The following DAAM1 variants were observed in gnomAD, a reference collection of about 807,000 sequenced individuals.
DAAM1 encodes the protein dishevelled associated activator of morphogenesis 1.
DAAM1 carries 52 observed loss-of-function variants against 130.0 expected under a neutral mutation model. The ratio of observed to expected loss-of-function variants is 0.40; its 90% confidence interval spans 0.32 to 0.50. The LOEUF is 0.50. DAAM1 is among the 20% of genes least tolerant of loss of function. DAAM1 has a pLI of 0.61. For synonymous variants in DAAM1, 452 were observed against 444.5 expected (o/e 1.02, Z -0.21); for missense variants, 1,134 against 1,303.8 (o/e 0.87, Z 2.01).
At chr14:59,268,870 C>G (rs1882582274) in intron 2 of DAAM1, among the ~76,000 whole-genome samples, 2 of 152,126 alleles carry the variant, frequency 1.3e-5, no homozygotes, top group Non-Finnish European at 2.9e-5. Context: ...AAATAAGATT[C>G]AGTAATATTC....
intron 3 of DAAM1, among the ~76,000 whole-genome samples, chr14:59,291,802 A>G (rs1203814071): frequency 3.9e-5 from 6 of 152,154 alleles, no homozygotes; most frequent in African/African-American, 1.4e-4. Context: ...ACTTTGAGGG[A>G]CACATTCCTG....
intron 2 of DAAM1, among the ~76,000 whole-genome samples, chr14:59,273,259 A>G (rs1463860691): frequency 1.3e-5 from 2 of 152,158 alleles, no homozygotes; most frequent in Non-Finnish European, 2.9e-5. Context: ...ATCATTCCAA[A>G]TGTCCTTTCC....
chr14:59,218,680 G>A (rs998931059), intron 1 of DAAM1, among the ~76,000 whole-genome samples: 2 of 152,166 alleles, frequency 1.3e-5, no homozygotes, highest in African/African-American at 4.8e-5. Flanking sequence ...GCACACACAT[G>A]TATGAGTTTC....
At chr14:59,340,248 T>C (rs937907089) in intron 16 of DAAM1, 68 bp downstream of exon 16, 9 of 1,452,026 alleles carry the variant, frequency 6.2e-6, no homozygotes, top group Admixed American at 3.4e-5. Context: ...CAAAACCACA[T>C]GTTAGTGATT....
At chr14:59,303,028 C>T (rs962745145) in intron 3 of DAAM1, among the ~76,000 whole-genome samples, 2 of 152,152 alleles carry the variant, frequency 1.3e-5, no homozygotes, top group African/African-American at 2.4e-5. Context: ...GTGTCAGTTG[C>T]CAAGGTAGGA....
In DAAM1 at chr14:59,311,420, A is replaced by AT. The variant is rs35773360; in HGVS notation, c.274-3859dup. 5.8e-3 allele frequency among the ~76,000 whole-genome samples: 887 copies of AT among 152,318 alleles called. 13 individuals carry two copies. Among genetic ancestry groups the AT allele is most frequent in the African/African-American group, 0.021 (858 of 41,572 alleles). ...ATGCTGAAGGGTCTTGATGCATTCC[A>AT]TGTCACCCCAAACGTCAAACAAAGC... On this transcript the variant is annotated intron_variant, in intron 3 of 24. Coordinates refer to ENST00000360909, the MANE Select transcript of DAAM1 (RefSeq NM_001270520.2).
intron 20 of DAAM1, among the ~76,000 whole-genome samples, chr14:59,358,290 C>G (rs1205806745): frequency 1.3e-5 from 2 of 152,184 alleles, no homozygotes; most frequent in Non-Finnish European, 2.9e-5. Flanking sequence ...CTAATAGATA[C>G]TGTTATCCTA....
intron 3 of DAAM1, among the ~76,000 whole-genome samples, chr14:59,305,632 A>G (rs748321267): frequency 5.3e-5 from 8 of 151,908 alleles, no homozygotes; most frequent in Non-Finnish European, 1.0e-4. Flanking sequence ...CCACCCCCCA[A>G]CTCCTTGTAA....
At chr14:59,313,927 G>A (rs1282959106) in intron 3 of DAAM1, among the ~76,000 whole-genome samples, 4 of 152,210 alleles carry the variant, frequency 2.6e-5, no homozygotes. Flanking sequence ...ATCTCCAGAT[G>A]AAATTCACAC....
intron 1 of DAAM1, among the ~76,000 whole-genome samples, chr14:59,222,615 G>A (rs1888811252): frequency 6.6e-6 from 1 of 152,188 alleles, no homozygotes; most frequent in African/African-American, 2.4e-5. Context: ...GAGCCACTGG[G>A]CGATGACAAG....
At chr14:59,329,722 A>C (rs1203686828) in intron 12 of DAAM1, among the ~76,000 whole-genome samples, 1 of 152,332 alleles carries the variant, frequency 6.6e-6, no homozygotes, top group South Asian at 2.1e-4. Flanking sequence ...GGCAATGTGA[A>C]TATGCATTAT....
chr14:59,194,621 T>C (rs1326654177), intron 1 of DAAM1, among the ~76,000 whole-genome samples: 1 of 152,208 alleles, frequency 6.6e-6, no homozygotes, highest in Non-Finnish European at 1.5e-5. Flanking sequence ...CTGTAGTCTT[T>C]TAACATACAT....
chr14:59,370,433 A>G lies in DAAM1; in HGVS notation c.*1574A>G, dbSNP rs1887121040. ...TATATTCTAATGGGGATATTAAGGG[A>G]TGAATAGAATACCAATGTGTGCACT... On this transcript the variant is annotated 3_prime_UTR_variant, in exon 25 of 25. Transcript: ENST00000360909. The G allele has an allele frequency of 6.6e-6, 1 of 152,046 alleles. No individual in the cohort carries two copies. The highest frequency in any genetic ancestry group is 2.1e-4 in the South Asian group (1 of 4,820). 9.4% of individuals were successfully genotyped at this position (152,046 alleles called of 1,614,324 possible).
intron 1 of DAAM1, among the ~76,000 whole-genome samples, chr14:59,237,629 A>G (rs1214922540): frequency 1.3e-5 from 2 of 152,142 alleles, no homozygotes; most frequent in African/African-American, 4.8e-5. Context: ...TGAATTTATA[A>G]AATATTTTGT....
At chr14:59,284,639 G>T (rs1883362017) in intron 2 of DAAM1, among the ~76,000 whole-genome samples, 1 of 151,930 alleles carries the variant, frequency 6.6e-6, no homozygotes, top group African/African-American at 2.4e-5. Flanking sequence ...TGAACTTCTG[G>T]AAATAAAAAA....
At chr14:59,196,057 A>G (rs1887880542) in intron 1 of DAAM1, among the ~76,000 whole-genome samples, 1 of 152,224 alleles carries the variant, frequency 6.6e-6, no homozygotes, top group South Asian at 2.1e-4. Context: ...AAGGAACCGT[A>G]TGCTTCTGAC....
intron 1 of DAAM1, among the ~76,000 whole-genome samples, chr14:59,191,429 A>G (rs1887726962): frequency 6.6e-6 from 1 of 152,038 alleles, no homozygotes; most frequent in African/African-American, 2.4e-5. Context: ...GTAGGTCTTT[A>G]ATAAATATAT....
intron 2 of DAAM1, among the ~76,000 whole-genome samples, chr14:59,286,878 A>G (rs1432082045): frequency 3.9e-5 from 6 of 152,190 alleles, no homozygotes; most frequent in African/African-American, 4.8e-5. Flanking sequence ...GCTAGTACCA[A>G]TCCTACTGAA....
chr14:59,342,764 G>A (rs1885900037), intron 16 of DAAM1, among the ~76,000 whole-genome samples: 1 of 152,172 alleles, frequency 6.6e-6, no homozygotes, highest in Non-Finnish European at 1.5e-5. Context: ...AGGACATGGA[G>A]CCCGGCCATG....
Sources: allele counts gnomAD v4.1 joint callset (sites outside exome capture counted in the v4.1 genomes callset), GRCh38; gene constraint gnomAD v4.1.1; transcripts MANE v1.5; gene names NCBI Gene and HGNC (gene_info 2026-07-23, HGNC 2026-07-21).